Variants in UBE3D observed in about 807,000 individuals in gnomAD.
UBE3D encodes ubiquitin protein ligase E3D.
A neutral mutation model predicts 49.6 loss-of-function variants in UBE3D; 48 were observed. The observed-to-expected ratio is 0.97, with a 90% CI of 0.77 to 1.23. The LOEUF is 1.23. Among genes scored for constraint, UBE3D ranks in the 50% most tolerant of loss-of-function variants. The pLI is 0.00. For synonymous variants in UBE3D, 189 were observed against 174.2 expected (o/e 1.08, Z -0.67); for missense variants, 452 against 468.4 (o/e 0.96, Z 0.32).
intron 3 of UBE3D, 83 bp from the exon 4 acceptor site, chr6:83,044,742 G>T: frequency 8.6e-7 from 1 of 1,168,494 alleles, no homozygotes; most frequent in South Asian, 1.4e-5. Context: ...AAAGATGAAA[G>T]AAACTCATTA....
chr6:82,989,032 G>C (rs1778706274), intron 8 of UBE3D, among the ~76,000 whole-genome samples: 2 of 152,076 alleles, frequency 1.3e-5, no homozygotes, highest in South Asian at 4.2e-4. Context: ...CAGCCCTCAA[G>C]TATCTTATTT....
intron 1 of UBE3D, among the ~76,000 whole-genome samples, chr6:83,061,888 A>T (rs1784192434): frequency 6.6e-6 from 1 of 152,158 alleles, no homozygotes; most frequent in African/African-American, 2.4e-5. Context: ...CATCTCTCTG[A>T]ACTAGGCACC....
intron 9 of UBE3D, among the ~76,000 whole-genome samples, chr6:82,898,132 C>T (rs1771464809): frequency 6.6e-6 from 1 of 152,164 alleles, no homozygotes; most frequent in Non-Finnish European, 1.5e-5. Flanking sequence ...CAATGAGATA[C>T]CATCAAATGC....
chr6:82,973,602 G>A (rs567160955), intron 8 of UBE3D, among the ~76,000 whole-genome samples: 9 of 152,148 alleles, frequency 5.9e-5, no homozygotes, highest in African/African-American at 2.2e-4. Context: ...CCCTTAAAAT[G>A]AGCTATCTCT....
intron 8 of UBE3D, among the ~76,000 whole-genome samples, chr6:83,006,768 GA>G (rs370599985): frequency 3.4e-4 from 52 of 152,262 alleles, no homozygotes; most frequent in African/African-American, 1.2e-3. Context: ...GGGTGAGTGG[GA>G]AAGAGGGTTG....
Position 82,951,338 on chromosome 6 carries a change from A to T in UBE3D, c.1149+5974T>A, listed in dbSNP as rs566275528. Among the ~76,000 whole-genome samples the T allele has an allele frequency of 3.3e-5, 5 of 152,328 alleles. No individual in the cohort carries two copies. In the East Asian group the frequency reaches 9.7e-4, roughly 29 times the overall value. On this transcript the variant is annotated intron_variant, in intron 9 of 9. Coordinates refer to ENST00000369747, the MANE Select transcript of UBE3D (RefSeq NM_198920.3). ...TAAAATTGTTTAGAATTCTGTCATTAACCTGGGGCTATGTCCTTAAAAATT... is the reference window on the plus strand; with the variant it reads ...TAAAATTGTTTAGAATTCTGTCATTTACCTGGGGCTATGTCCTTAAAAATT...
At chr6:82,957,593 G>T in intron 8 of UBE3D, 143 bp from the exon 9 acceptor site, 1 of 1,074,884 alleles carries the variant, frequency 9.3e-7, no homozygotes. Flanking sequence ...AATTCACAGA[G>T]AACATGTCCA....
Position 82,965,799 on chromosome 6 carries a change from T to C in UBE3D, c.1011-8349A>G, listed in dbSNP as rs928376669. ...AAGAGAGAAAAGTGTAATGAACCCA[T>C]GTACCCAAGACCCAGCTTCAAGCCA... On this transcript the variant is annotated intron_variant, in intron 8 of 9. Transcript: ENST00000369747. Among the ~76,000 whole-genome samples the C allele has an allele frequency of 8.5e-5, 13 of 152,214 alleles. No individual in the cohort carries two copies. The East Asian group carries it at 1.5e-3, about 18-fold the overall frequency.
chr6:83,000,082 C>T (rs1336127610), intron 8 of UBE3D, among the ~76,000 whole-genome samples: 15 of 152,160 alleles, frequency 9.9e-5, no homozygotes, highest in Admixed American at 9.8e-4. Context: ...TCCAGACTCA[C>T]CCTCCTTCAA....
chr6:82,969,589 CAG>C (rs1189952293), intron 8 of UBE3D, among the ~76,000 whole-genome samples: 1 of 152,042 alleles, frequency 6.6e-6, no homozygotes, highest in African/African-American at 2.4e-5. Context: ...GACCGAGTGA[CAG>C]AGTGAGACCC....
Position 82,995,470 on chromosome 6 carries a change from T to C in UBE3D, c.1010+23503A>G, listed in dbSNP as rs189417750. Among the ~76,000 whole-genome samples, 3 of 127,400 alleles carry C rather than the reference T, an allele frequency of 2.4e-5. No individual in the cohort carries two copies. The Admixed American group carries it at 2.5e-4, about 10-fold the overall frequency. 83.6% of individuals were successfully genotyped at this position (127,400 alleles called of 152,430 possible). On this transcript the variant is annotated intron_variant, in intron 8 of 9. Coordinates refer to ENST00000369747, the MANE Select transcript of UBE3D (RefSeq NM_198920.3). ...AAAAAGACTACTCATCAAAACCAGATAAAGGATTAATACTAACAATCACAC... is the reference window on the plus strand; with the variant it reads ...AAAAAGACTACTCATCAAAACCAGACAAAGGATTAATACTAACAATCACAC...
the UBE3D span, among the ~76,000 whole-genome samples, chr6:82,886,498 C>T: frequency 1.6e-4 from 24 of 152,328 alleles, no homozygotes; most frequent in Admixed American, 9.1e-4. Context: ...GGTACTGGTC[C>T]ATAGCCCGGG....
intron 1 of UBE3D, among the ~76,000 whole-genome samples, chr6:83,060,312 G>A (rs996067168): frequency 1.3e-5 from 2 of 152,210 alleles, no homozygotes; most frequent in Admixed American, 6.5e-5. Context: ...CTAGGACAAT[G>A]AGGGCCATGA....
intron 8 of UBE3D, among the ~76,000 whole-genome samples, chr6:82,967,624 G>C (rs1298429237): frequency 6.6e-6 from 1 of 152,008 alleles, no homozygotes; most frequent in Non-Finnish European, 1.5e-5. Flanking sequence ...CCAAGTAATT[G>C]TATCAACAGT....
intron 4 of UBE3D, among the ~76,000 whole-genome samples, chr6:83,041,299 A>G (rs1782655584): frequency 6.6e-6 from 1 of 152,218 alleles, no homozygotes; most frequent in African/African-American, 2.4e-5. Context: ...TGTTTTTAAA[A>G]TAAGATTCTA....
intron 9 of UBE3D, among the ~76,000 whole-genome samples, chr6:82,900,418 G>C (rs1169752656): frequency 6.6e-6 from 1 of 152,040 alleles, no homozygotes; most frequent in African/African-American, 2.4e-5. Flanking sequence ...TCCTAGGAGG[G>C]GCCATGAACC....
intron 5 of UBE3D, among the ~76,000 whole-genome samples, chr6:83,030,786 A>T (rs1781809612): frequency 6.6e-6 from 1 of 152,310 alleles, no homozygotes. Context: ...GAACCTTCCT[A>T]GAGACTTGTT....
At chr6:82,923,336 T>A (rs908259247) in intron 9 of UBE3D, among the ~76,000 whole-genome samples, 3 of 152,176 alleles carry the variant, frequency 2.0e-5, no homozygotes, top group African/African-American at 7.2e-5. Context: ...TAGACTGGAT[T>A]AAGAAAATGT....
intron 8 of UBE3D, among the ~76,000 whole-genome samples, chr6:83,016,388 T>G (rs941258648): frequency 2.0e-5 from 3 of 152,150 alleles, no homozygotes; most frequent in African/African-American, 7.2e-5. Flanking sequence ...TAACTCTCTA[T>G]ACAGTTCATG....
Sources: gnomAD v4.1 joint callset for allele counts (sites outside exome capture counted in the v4.1 genomes callset) on GRCh38, gnomAD v4.1.1 for gene constraint, MANE v1.5 for transcripts, NCBI Gene and HGNC (gene_info 2026-07-23, HGNC 2026-07-21) for gene names.